The following SI variants were observed in gnomAD, a reference collection of about 807,000 sequenced individuals.
SI encodes sucrase-isomaltase, intestinal.
SI carries 235 observed loss-of-function variants against 253.3 expected under a neutral mutation model. The ratio of observed to expected loss-of-function variants is 0.93; its 90% confidence interval spans 0.83 to 1.03. The LOEUF is 1.03. SI is among the 50% of genes least tolerant of loss of function. SI has a pLI of 0.00. For synonymous variants in SI, 819 were observed against 712.0 expected, an observed-to-expected ratio of 1.15 and a Z score of -2.39; for missense variants, 2,442 against 2,211.1, an observed-to-expected ratio of 1.10 and a Z score of -2.09.
At position 164,979,146 on chromosome 3, in the gene SI, CAA is replaced by C; in HGVS notation, c.*214_*215del. 1.9e-6 allele frequency: 1 copy of C among 528,182 alleles called. No homozygotes were observed. The highest frequency in any genetic ancestry group is 3.4e-6 in the Non-Finnish European group (1 of 294,058). The allele number at this position is 528,182 out of a possible 1,614,324, so 32.7% of individuals were successfully genotyped here. On this transcript the variant is annotated 3_prime_UTR_variant, in exon 48 of 48. Coordinates refer to ENST00000264382, the MANE Select transcript of SI (RefSeq NM_001041.4). ...CTTAACAAGGATAAATAGGGCTATTCAAATTTTGTTAAATATGCCTTAAAATT... is the reference window on the plus strand; with the variant it reads ...CTTAACAAGGATAAATAGGGCTATTCATTTTGTTAAATATGCCTTAAAATT...
intron 2 of SI, among the ~76,000 whole-genome samples, chr3:165,074,901 A>T (rs1436359643): frequency 6.6e-6 from 1 of 152,058 alleles, no homozygotes; most frequent in Admixed American, 6.6e-5. Flanking sequence ...GTTTCTGAAG[A>T]AATACAAAAT....
At chr3:164,981,823 T>A (rs9917770) in intron 47 of SI, among the ~76,000 whole-genome samples, 7,345 of 152,256 alleles carry the variant, frequency 0.048, 603 homozygotes, top group African/African-American at 0.17. Context: ...TTGTGTATTA[T>A]CTGTATCATA....
In SI at chr3:165,026,949, A is replaced by T. The variant is rs146796845; in HGVS notation, c.2893-3173T>A. On this transcript the variant is annotated intron_variant, in intron 25 of 47. Transcript: ENST00000264382. Reference sequence around the variant, plus strand: ...AGAACAAATCAAACCAAAACTCAGAAGAAGAAAGGAAATAACCAAGATTGG... The same window carrying T: ...AGAACAAATCAAACCAAAACTCAGATGAAGAAAGGAAATAACCAAGATTGG... 7.1e-3 allele frequency among the ~76,000 whole-genome samples: 1,073 copies of T among 151,690 alleles called. 7 individuals carry two copies. Among genetic ancestry groups the T allele is most frequent in the Non-Finnish European group, 0.012 (779 of 67,672 alleles).
intron 37 of SI, among the ~76,000 whole-genome samples, chr3:165,004,131 G>A (rs548684386): frequency 1.6e-4 from 24 of 152,128 alleles, no homozygotes; most frequent in Admixed American, 1.1e-3. Flanking sequence ...ATTTAAAAAT[G>A]GGCAAAATAT....
At chr3:164,985,879 A>AAGCT (rs1717409682) in intron 45 of SI, among the ~76,000 whole-genome samples, 1 of 152,120 alleles carries the variant, frequency 6.6e-6, no homozygotes, top group Admixed American at 6.6e-5. Flanking sequence ...CATTCTTAGC[A>AAGCT]AGCTGTCCCA....
chr3:165,082,245 G>A (rs145562119), upstream of SI, among the ~76,000 whole-genome samples: 241 of 151,936 alleles, frequency 1.6e-3, no homozygotes, highest in African/African-American at 5.4e-3. Context: ...TTTGTTAAGC[G>A]TTCTATATTG....
intron 41 of SI, among the ~76,000 whole-genome samples, chr3:164,992,959 G>A (rs1419482761): frequency 6.6e-6 from 1 of 150,860 alleles, no homozygotes; most frequent in African/African-American, 2.4e-5. Flanking sequence ...GTTTTTTAAT[G>A]GCTTAAGAGC....
chr3:165,041,884 T>C (rs983009419), intron 17 of SI, among the ~76,000 whole-genome samples: 5 of 152,060 alleles, frequency 3.3e-5, no homozygotes, highest in African/African-American at 9.7e-5. Flanking sequence ...AAGAACACCA[T>C]GCAGGCCTAT....
At chr3:165,070,308 T>C (rs997687472) in intron 3 of SI, among the ~76,000 whole-genome samples, 2 of 145,308 alleles carry the variant, frequency 1.4e-5, no homozygotes, top group East Asian at 2.0e-4. Flanking sequence ...TATATGTATA[T>C]ATACATATAT....
intron 19 of SI, 96 bp from the exon 20 acceptor site, chr3:165,039,230 A>G (rs925087881): frequency 1.3e-6 from 1 of 784,400 alleles, no homozygotes. Flanking sequence ...AGGGAAAAAA[A>G]CTTTATGTTG....
chr3:165,067,424 G>T lies in SI; in HGVS notation c.551C>A (p.Thr184Lys), dbSNP rs193172680. The change falls in exon 6 of 48, where the codon ACA (threonine) becomes AAA (lysine). Residue 184 changes from threonine to lysine, a missense_variant. Physicochemically the swap from Thr to Lys is moderately conservative, Grantham distance 78. Transcript: ENST00000264382. ...CACATCATACAACGTATCAGAAACT[G>T]TGGGTCCAGTAAACTCTTTTACATA... is the stretch of plus-strand genomic sequence containing the variant. ...HQYVKEFTGPTVSDTLYDVKV... is the reference protein window; with the variant it reads ...HQYVKEFTGPKVSDTLYDVKV... 9 of 1,611,714 alleles carry T rather than the reference G, an allele frequency of 5.6e-6. No individual in the cohort carries two copies. The South Asian group carries it at 9.9e-5, about 18-fold the overall frequency.
intron 45 of SI, 75 bp from the exon 46 acceptor site, chr3:164,983,126 C>A: frequency 7.2e-7 from 1 of 1,387,718 alleles, no homozygotes; most frequent in Non-Finnish European, 1.0e-6. Flanking sequence ...GTATACTTTG[C>A]TTCTCTTTCC....
At chr3:165,018,125 C>T in intron 28 of SI, 59 bp from the exon 29 acceptor site, 1 of 994,458 alleles carries the variant, frequency 1.0e-6, no homozygotes, top group Non-Finnish European at 1.6e-6. Context: ...TGAATTTAAT[C>T]AATGTTATTT....
Position 165,019,586 on chromosome 3 carries a change from A to C in SI, c.3423+16T>G. On this transcript the variant is annotated intron_variant, in intron 28 of 47. Transcript: ENST00000264382. ...GTCTTAGTTGCCTCGTGGAGTGGTC[A>C]TATGTTGGTACCTACACCAGGGGGT... 6.2e-7 allele frequency: 1 copy of C among 1,611,012 alleles called. No homozygotes were observed. Among genetic ancestry groups the C allele is most frequent in the Non-Finnish European group, 8.5e-7 (1 of 1,177,792 alleles).
At chr3:165,016,443 T>C (rs1437431930) in intron 31 of SI, among the ~76,000 whole-genome samples, 1 of 152,014 alleles carries the variant, frequency 6.6e-6, no homozygotes, top group African/African-American at 2.4e-5. Context: ...AATAGGACTT[T>C]TGTACAGTAT....
rs1050303707 is a variant in SI, at chr3:165,078,338, G to T, written c.-1+95C>A. 4.6e-5 allele frequency: 7 copies of T among 151,918 alleles called. No homozygotes were observed. The East Asian group carries it at 1.4e-3, about 29-fold the overall frequency. The allele number at this position is 151,918 out of a possible 1,614,324, so 9.4% of individuals were successfully genotyped here. ...TATGATATTGCTATTTTAGCCTAGTGCAGATAGATGGGAATACTGCTAACA... is the reference window on the plus strand; with the variant it reads ...TATGATATTGCTATTTTAGCCTAGTTCAGATAGATGGGAATACTGCTAACA... On this transcript the variant is annotated intron_variant, in intron 1 of 47. Transcript: ENST00000264382.
At chr3:165,044,109 C>T (rs1379044446) in intron 16 of SI, among the ~76,000 whole-genome samples, 2 of 151,942 alleles carry the variant, frequency 1.3e-5, no homozygotes, top group African/African-American at 2.4e-5. Context: ...TACCTTCAAA[C>T]TATGTGTATA....
At chr3:165,007,581 A>C (rs2108156284) in intron 36 of SI, among the ~76,000 whole-genome samples, 1 of 152,040 alleles carries the variant, frequency 6.6e-6, no homozygotes, top group Admixed American at 6.5e-5. Flanking sequence ...TGGGAAAATT[A>C]TTAAGCAAAC....
rs772060606 is a variant in SI at position 165,039,936 on chromosome 3, G to A, written c.2195C>T (p.Thr732Ile). 8 of 1,613,164 alleles carry A rather than the reference G, an allele frequency of 5.0e-6. No homozygotes were observed. Among genetic ancestry groups the A allele is most frequent in the Non-Finnish European group, 5.1e-6 (6 of 1,179,448 alleles). The change falls in exon 19 of 48, where the codon ACT becomes ATT. Residue 732 changes from threonine to isoleucine, a missense_variant. Transcript: ENST00000264382. ...YEDTNSWIED[T>I]EFLWGPALLI... is the part of the protein sequence containing the mutation. ...TAATGCAGGGCCCCACAAAAACTCA[G>A]TGTCCTCAATCCAGCTGTTCGTATC...
Sources: gnomAD v4.1 joint callset for allele counts (sites outside exome capture counted in the v4.1 genomes callset) on GRCh38, gnomAD v4.1.1 for gene constraint, MANE v1.5 for transcripts, NCBI Gene and HGNC (gene_info 2026-07-23, HGNC 2026-07-21) for gene names.